EDEM2: variants seen among roughly 807,000 people sequenced by gnomAD.
The protein encoded by EDEM2 is ER degradation enhancing alpha-mannosidase like protein 2, also known as ER degradation-enhancing alpha-mannosidase-like protein 2.
EDEM2 carries 39 observed loss-of-function variants against 64.8 expected under a neutral mutation model. That is an observed-to-expected ratio of 0.60 (90% CI 0.47 to 0.79). The LOEUF is 0.79. EDEM2 is among the 30% of genes least tolerant of loss of function. The pLI is 0.00. For missense variants in EDEM2, 609 were observed against 731.3 expected (o/e 0.83, Z 1.93); for synonymous variants, 296 against 291.5 (o/e 1.02, Z -0.16).
chr20:35,117,813 C>T (rs2085325625), intron 10 of EDEM2, among the ~76,000 whole-genome samples: 1 of 152,104 alleles, frequency 6.6e-6, no homozygotes, highest in African/African-American at 2.4e-5. Flanking sequence ...CACCTTTGAC[C>T]CTTTCAATCT....
intron 9 of EDEM2, among the ~76,000 whole-genome samples, chr20:35,121,169 T>C (rs578163338): frequency 6.6e-6 from 1 of 152,322 alleles, no homozygotes; most frequent in Admixed American, 6.5e-5. Context: ...TATTATTACA[T>C]TGTAATATAT....
intron 2 of EDEM2, 141 bp from the exon 3 acceptor site, chr20:35,145,159 AC>A: frequency 1.2e-6 from 1 of 821,410 alleles, no homozygotes; most frequent in Non-Finnish European, 1.9e-6. Flanking sequence ...CAACAGAGAA[AC>A]CACAGTGAAA....
chr20:35,139,210 C>T (rs1264708795), intron 4 of EDEM2, among the ~76,000 whole-genome samples: 3 of 152,010 alleles, frequency 2.0e-5, no homozygotes, highest in East Asian at 1.9e-4. Context: ...ATTAGCTGGG[C>T]GTGGTGGCAA....
At chr20:35,139,862 TA>T (rs2085629490) in intron 4 of EDEM2, among the ~76,000 whole-genome samples, 1 of 151,880 alleles carries the variant, frequency 6.6e-6, no homozygotes. Flanking sequence ...AAAAAGTTTT[TA>T]AAAGGAGAAG....
chr20:35,136,499 G>A (rs1392508181), intron 5 of EDEM2, among the ~76,000 whole-genome samples: 2 of 152,174 alleles, frequency 1.3e-5, no homozygotes, highest in Non-Finnish European at 2.9e-5. Flanking sequence ...GCTCACGCCT[G>A]TAATCCCAAC....
intron 4 of EDEM2, among the ~76,000 whole-genome samples, chr20:35,139,926 A>G (rs2146111726): frequency 6.6e-6 from 1 of 152,312 alleles, no homozygotes; most frequent in South Asian, 2.1e-4. Flanking sequence ...TAATAATTAC[A>G]TTGACAGATT....
At chr20:35,116,417 C>T (rs1174525152) in intron 10 of EDEM2, among the ~76,000 whole-genome samples, 1 of 152,166 alleles carries the variant, frequency 6.6e-6, no homozygotes, top group East Asian at 1.9e-4. Context: ...GGCCCCTGCT[C>T]CCTTCCTGCC....
intron 7 of EDEM2, among the ~76,000 whole-genome samples, chr20:35,130,293 C>T (rs1162004212): frequency 6.6e-6 from 1 of 152,020 alleles, no homozygotes; most frequent in African/African-American, 2.4e-5. Context: ...TGATCTTGAA[C>T]TTCTGGGGTC....
At chr20:35,135,390 C>T (rs2085562327) in intron 5 of EDEM2, among the ~76,000 whole-genome samples, 1 of 152,198 alleles carries the variant, frequency 6.6e-6, no homozygotes, top group African/African-American at 2.4e-5. Flanking sequence ...TTGGCTCACG[C>T]CTATAATCCC....
chr20:35,119,759 G>C (rs1371142235), intron 9 of EDEM2, among the ~76,000 whole-genome samples: 1 of 152,142 alleles, frequency 6.6e-6, no homozygotes, highest in Non-Finnish European at 1.5e-5. Context: ...TCTACCTTAA[G>C]ATGAATATTA....
Position 35,138,029 on chromosome 20 carries a change from T to C in EDEM2, c.365-24A>G, listed in dbSNP as rs191390121. On this transcript the variant is annotated intron_variant, in intron 4 of 10. Transcript: ENST00000374492. ...CACTACAGATGGCACAGAAAGCAAA[T>C]GGCACAGTCCAAAGGGAAAGACCAA... 73 of 1,613,106 alleles carry C rather than the reference T, an allele frequency of 4.5e-5. No homozygotes were observed. The African/African-American group carries it at 8.4e-4, about 19-fold the overall frequency.
chr20:35,121,624 G>C (rs2146089379), intron 9 of EDEM2, among the ~76,000 whole-genome samples: 1 of 152,296 alleles, frequency 6.6e-6, no homozygotes, highest in Admixed American at 6.5e-5. Context: ...GCCTGCAGAG[G>C]CCTTTAGGCT....
At position 35,115,781 on chromosome 20, in the gene EDEM2, C is replaced by G; in HGVS notation, c.1389G>C (p.Glu463Asp). Residue 463 changes from glutamate to aspartate, a missense_variant, in exon 11 of 11, where the codon GAG becomes GAC. Physicochemically the swap from Glu to Asp is conservative, Grantham distance 45. Coordinates refer to ENST00000374492, the MANE Select transcript of EDEM2 (RefSeq NM_018217.3). ...TFDAVITPYGECILGAGGYIF... is the reference protein window; with the variant it reads ...TFDAVITPYGDCILGAGGYIF... Reference sequence around the variant, plus strand: ...TGTACCCCCCAGCCCCCAGGATGCACTCCCCATAGGGGGTGATCACCGCGT... The same window carrying G: ...TGTACCCCCCAGCCCCCAGGATGCAGTCCCCATAGGGGGTGATCACCGCGT... 1 of 1,613,684 alleles carries G rather than the reference C, an allele frequency of 6.2e-7. No individual in the cohort carries two copies. The highest frequency in any genetic ancestry group is 1.1e-5 in the South Asian group (1 of 91,086).
chr20:35,146,984 G>C, intron 1 of EDEM2, 49 bp from the exon 2 acceptor site: 1 of 1,588,714 alleles, frequency 6.3e-7, no homozygotes, highest in Non-Finnish European at 8.6e-7. Context: ...ACAAAAACAA[G>C]CGGGGGAAGA....
chr20:35,118,845 A>C, intron 9 of EDEM2, 126 bp from the exon 10 acceptor site: 1 of 1,349,556 alleles, frequency 7.4e-7, no homozygotes, highest in Non-Finnish European at 1.0e-6. Flanking sequence ...GCAGGAACAC[A>C]GGATACCTCA....
rs766442567 is a variant in EDEM2 at position 35,147,132 on chromosome 20, A to C, written c.107+20T>G. On this transcript the variant is annotated intron_variant, in intron 1 of 10. Coordinates refer to ENST00000374492, the MANE Select transcript of EDEM2 (RefSeq NM_018217.3). ...CACGCTTCCCATTCCCCAACTGCGA[A>C]AGGGCGGGTCACAGTTCACCTGTAG... The C allele has an allele frequency of 1.3e-6, 2 of 1,596,528 alleles. No homozygotes were observed. The highest frequency in any genetic ancestry group is 3.4e-5 in the Admixed American group (2 of 58,820).
intron 7 of EDEM2, 69 bp downstream of exon 7, chr20:35,131,573 A>T (rs1042641226): frequency 1.3e-6 from 2 of 1,575,736 alleles, no homozygotes; most frequent in South Asian, 1.1e-5. Context: ...CTCAAAAAAA[A>T]GTTTTTAAAC....
rs779548894 is a variant in EDEM2 at position 35,134,860 on chromosome 20, C to T, written c.580G>A (p.Gly194Arg). 1 of 1,614,202 alleles carries T rather than the reference C, an allele frequency of 6.2e-7. No homozygotes were observed. Among genetic ancestry groups the T allele is most frequent in the Non-Finnish European group, 8.5e-7 (1 of 1,180,044 alleles). ...AATTCAACAATGAAGGTCCCAATCC[C>T]TGCCGTACAGGTGACAGGGGTCTCT... ...PGETPVTCTAGIGTFIVEFAT... is the reference protein window; with the variant it reads ...PGETPVTCTARIGTFIVEFAT... Residue 194 changes from glycine (G) to arginine (R), a missense_variant, in exon 6 of 11, where the codon GGG becomes AGG. Gly to Arg is a moderately radical substitution (Grantham distance 125). Transcript: ENST00000374492.
chr20:35,118,456 C>A (rs1355687449), intron 10 of EDEM2, 142 bp downstream of exon 10: 2 of 1,275,856 alleles, frequency 1.6e-6, no homozygotes, highest in African/African-American at 1.5e-5. Context: ...GTCTCCCCAT[C>A]TGTAAAATAT....
Sources: gnomAD v4.1 joint callset for allele counts (sites outside exome capture counted in the v4.1 genomes callset) on GRCh38, gnomAD v4.1.1 for gene constraint, MANE v1.5 for transcripts, NCBI Gene and HGNC (gene_info 2026-07-23, HGNC 2026-07-21) for gene names.